Variants in SLC25A16 observed in about 807,000 individuals in gnomAD.
SLC25A16 encodes the protein mitochondrial coenzyme A transporter SLC25A16.
In SLC25A16, 39 loss-of-function variants were observed where a neutral mutation model predicts 41.5. The ratio of observed to expected loss-of-function variants is 0.94; its 90% CI spans 0.73 to 1.23. The LOEUF is 1.23. SLC25A16 is among the 50% of genes most tolerant of loss of function. The pLI is 0.00. For missense variants in SLC25A16, 421 were observed against 426.9 expected (o/e 0.99, Z 0.12); for synonymous variants, 146 against 147.8 (o/e 0.99, Z 0.09).
intron 1 of SLC25A16, among the ~76,000 whole-genome samples, chr10:68,525,292 C>T (rs536379169): frequency 1.3e-5 from 2 of 152,006 alleles, no homozygotes; most frequent in African/African-American, 4.8e-5. Flanking sequence ...AGTGCCACCA[C>T]GCCTGACAAA....
In SLC25A16 at chr10:68,503,618, C is replaced by T. The variant is rs746359631; in HGVS notation, c.421+14G>A. On this transcript the variant is annotated intron_variant, in intron 4 of 8. Coordinates refer to ENST00000609923, the MANE Select transcript of SLC25A16 (RefSeq NM_152707.4). Reference sequence around the variant, plus strand: ...TTAATTTGTCAGAAATAAAATATACCTAACTCCTCTTACCTGCCATGGATC... The same window carrying T: ...TTAATTTGTCAGAAATAAAATATACTTAACTCCTCTTACCTGCCATGGATC... 1.3e-6 allele frequency: 2 copies of T among 1,527,714 alleles called. No homozygotes were observed. Among genetic ancestry groups the T allele is most frequent in the Middle Eastern group, 1.7e-4 (1 of 5,846 alleles). 94.6% of individuals were successfully genotyped at this position (1,527,714 alleles called of 1,614,324 possible).
intron 1 of SLC25A16, among the ~76,000 whole-genome samples, chr10:68,518,728 C>T (rs571240557): frequency 1.3e-5 from 2 of 151,114 alleles, no homozygotes; most frequent in African/African-American, 2.4e-5. Context: ...GAGCCGAGAT[C>T]GCACCACTGC....
rs1360713499 is a variant in SLC25A16, at chr10:68,516,904, A to G, written c.131-61T>C. Reference sequence around the variant, plus strand: ...TACCATTTCTTTCCAGATGGAAATCATTAGTTGTTCAGCCAGCAAACCCTC... The same window carrying G: ...TACCATTTCTTTCCAGATGGAAATCGTTAGTTGTTCAGCCAGCAAACCCTC... On this transcript the variant is annotated intron_variant, in intron 1 of 8. Transcript: ENST00000609923. 7 of 1,357,100 alleles carry G rather than the reference A, an allele frequency of 5.2e-6. No individual in the cohort carries two copies. In the African/African-American group the frequency reaches 8.6e-5, roughly 17 times the overall value. 84.1% of individuals were successfully genotyped at this position (1,357,100 alleles called of 1,614,324 possible). A position where few individuals can be genotyped will look rare whatever the true frequency, so the allele number is the denominator to read the frequency against.
Position 68,516,760 on chromosome 10 carries a change from T to C in SLC25A16, c.214A>G (p.Lys72Glu). 1 of 1,601,576 alleles carries C rather than the reference T, an allele frequency of 6.2e-7. No homozygotes were observed. ...GCATCTATTAACTCACCTAAATGCTTGTAATGGTGATTGTGAGCTTGTAAT... is the reference window on the plus strand; with the variant it reads ...GCATCTATTAACTCACCTAAATGCTCGTAATGGTGATTGTGAGCTTGTAAT... ...VLLQAHNHHY[K>E]HLGVFSALRA... Residue 72 changes from lysine to glutamate, a missense_variant, in exon 2 of 9, where the codon AAG becomes GAG. Coordinates refer to ENST00000609923, the MANE Select transcript of SLC25A16 (RefSeq NM_152707.4).
chr10:68,525,769 T>A (rs2053327413), intron 1 of SLC25A16, among the ~76,000 whole-genome samples: 1 of 152,208 alleles, frequency 6.6e-6, no homozygotes, highest in Non-Finnish European at 1.5e-5. Context: ...GAAAAATTCT[T>A]CTGCCTTGAG....
intron 3 of SLC25A16, among the ~76,000 whole-genome samples, chr10:68,506,041 A>C (rs1034378309): frequency 1.3e-5 from 2 of 151,274 alleles, no homozygotes; most frequent in Admixed American, 1.3e-4. Flanking sequence ...CAAAAAATAA[A>C]ATTAAATAAA....
chr10:68,503,220 T>A, intron 4 of SLC25A16: 1 of 153,678 alleles, frequency 6.5e-6, no homozygotes, highest in South Asian at 2.1e-4. Context: ...TTTTCTTTGT[T>A]TTTTTCTCCA....
At chr10:68,485,694 T>C (rs1306601810) in intron 8 of SLC25A16, among the ~76,000 whole-genome samples, 1 of 151,916 alleles carries the variant, frequency 6.6e-6, no homozygotes, top group East Asian at 1.9e-4. Context: ...TTTTTGTTTT[T>C]TTCAGAGTCT....
intron 1 of SLC25A16, 33 bp downstream of exon 1, chr10:68,527,211 CAG>C: frequency 6.5e-7 from 1 of 1,542,046 alleles, no homozygotes; most frequent in South Asian, 1.2e-5. Context: ...CCCCGCCACT[CAG>C]AGCGCGGCTG....
At chr10:68,496,499 T>A in intron 4 of SLC25A16, 3 of 984,886 alleles carry the variant, frequency 3.0e-6, no homozygotes, top group South Asian at 9.4e-5. Context: ...ATACAAATAG[T>A]AGAATATGTT....
rs2052506950 is a variant in SLC25A16, at chr10:68,483,314, C to A, written c.*118G>T. ...AAAAAATAATCAAGTACTAAAATAC[C>A]AGTGGCTCTTGTGACAGGGTAAATA... On this transcript the variant is annotated 3_prime_UTR_variant, in exon 9 of 9. Transcript: ENST00000609923. 4.7e-6 allele frequency: 3 copies of A among 634,118 alleles called. No individual in the cohort carries two copies. The highest frequency in any genetic ancestry group is 5.2e-6 in the Non-Finnish European group (2 of 381,096). The allele number at this position is 634,118 out of a possible 1,614,324, so 39.3% of individuals were successfully genotyped here. A position where few individuals can be genotyped will look rare whatever the true frequency, so the allele number is the denominator to read the frequency against.
Position 68,503,819 on chromosome 10 carries a change from G to A in SLC25A16, c.358-124C>T, listed in dbSNP as rs557056283. On this transcript the variant is annotated intron_variant, in intron 3 of 8. Coordinates refer to ENST00000609923, the MANE Select transcript of SLC25A16 (RefSeq NM_152707.4). ...TAAAAAGGAAATTAATAATAAATGTGAACGAAATGAGCACAATTAAATACA... is the reference window on the plus strand; with the variant it reads ...TAAAAAGGAAATTAATAATAAATGTAAACGAAATGAGCACAATTAAATACA... 3 of 681,552 alleles carry A rather than the reference G, an allele frequency of 4.4e-6. No homozygotes were observed. The East Asian group carries it at 7.7e-5, about 18-fold the overall frequency. 42.2% of individuals were successfully genotyped at this position (681,552 alleles called of 1,614,324 possible).
chr10:68,498,632 G>A (rs1362964266), intron 4 of SLC25A16, among the ~76,000 whole-genome samples: 1 of 152,124 alleles, frequency 6.6e-6, no homozygotes, highest in African/African-American at 2.4e-5. Flanking sequence ...AGAGTTAGAG[G>A]CTGCAGTAAC....
At position 68,516,752 on chromosome 10, in the gene SLC25A16, T is replaced by C; in HGVS notation, c.222A>G (p.Leu74=). ...LQAHNHHYKH[L]GVFSALRAVP... ...TATCTTTAGCATCTATTAACTCACC[T>C]AAATGCTTGTAATGGTGATTGTGAG... The change falls in exon 2 of 9, where the codon TTA becomes TTG. Residue 74 remains leucine (L), a splice_region_variant and synonymous_variant. Transcript: ENST00000609923. 6.3e-7 allele frequency: 1 copy of C among 1,589,370 alleles called. No individual in the cohort carries two copies. The highest frequency in any genetic ancestry group is 8.6e-7 in the Non-Finnish European group (1 of 1,159,996).
At chr10:68,505,362 A>G (rs756889683) in intron 3 of SLC25A16, among the ~76,000 whole-genome samples, 5 of 152,040 alleles carry the variant, frequency 3.3e-5, no homozygotes, top group Non-Finnish European at 5.9e-5. Context: ...AAAGAAAAGA[A>G]AAGAAAAGAG....
intron 1 of SLC25A16, among the ~76,000 whole-genome samples, chr10:68,519,255 G>A (rs1472218543): frequency 3.3e-5 from 5 of 152,092 alleles, no homozygotes; most frequent in Middle Eastern, 3.4e-3. Flanking sequence ...TTGGGAGGCC[G>A]AGGTGGGTGG....
chr10:68,518,801 ATAAATAAAT>A (rs767371383), intron 1 of SLC25A16, among the ~76,000 whole-genome samples: 7,367 of 135,038 alleles, frequency 0.055, 205 homozygotes, highest in African/African-American at 0.081. Context: ...AAATAAATAA[ATAAATAAAT>A]TAAATAAATA....
At chr10:68,515,785 C>T (rs1443881160) in intron 2 of SLC25A16, among the ~76,000 whole-genome samples, 2 of 151,276 alleles carry the variant, frequency 1.3e-5, no homozygotes, top group African/African-American at 2.4e-5. Context: ...GCAACAAGAG[C>T]GAAACTCTGC....
At chr10:68,491,469 C>A (rs902542963) in intron 6 of SLC25A16, among the ~76,000 whole-genome samples, 2 of 152,130 alleles carry the variant, frequency 1.3e-5, no homozygotes, top group Admixed American at 1.3e-4. Context: ...AGGTGATCCA[C>A]CTGCCTTGGC....
Sources: allele counts gnomAD v4.1 joint callset (sites outside exome capture counted in the v4.1 genomes callset), GRCh38; gene constraint gnomAD v4.1.1; transcripts MANE v1.5; gene names NCBI Gene and HGNC (gene_info 2026-07-23, HGNC 2026-07-21).